DLG2: variants seen among roughly 807,000 people sequenced by gnomAD.
DLG2 encodes the protein discs large MAGUK scaffold protein 2.
In DLG2, 45 loss-of-function variants were observed where a neutral mutation model predicts 132.5. That is an observed-to-expected ratio of 0.34 (90% CI 0.27 to 0.44). The LOEUF is 0.44. DLG2 is among the 20% of genes least tolerant of loss of function. DLG2 has a pLI of 1.00. For synonymous variants in DLG2, 424 were observed against 419.6 expected, an observed-to-expected ratio of 1.01 and a Z score of -0.13; for missense variants, 1,045 against 1,196.9, an observed-to-expected ratio of 0.87 and a Z score of 1.87.
chr11:83,631,765 A>G (rs1707065777), intron 19 of DLG2: 1 of 152,192 alleles, frequency 6.6e-6, no homozygotes, highest in South Asian at 2.1e-4. Context: ...TATTATATAT[A>G]TAACCATTTC....
chr11:83,753,789 A>T (rs899343899), intron 18 of DLG2, among the ~76,000 whole-genome samples: 10 of 118,760 alleles, frequency 8.4e-5, no homozygotes, highest in Non-Finnish European at 1.4e-4. Flanking sequence ...TATATGTCAT[A>T]TATATGATAT....
At chr11:83,937,662 CAA>C (rs2081800056) in intron 14 of DLG2, among the ~76,000 whole-genome samples, 1 of 151,936 alleles carries the variant, frequency 6.6e-6, no homozygotes, top group Non-Finnish European at 1.5e-5. Context: ...TAGTAAAAAA[CAA>C]AGACAATTAG....
intron 6 of DLG2, among the ~76,000 whole-genome samples, chr11:84,732,112 T>A (rs76078920): frequency 0.015 from 2,347 of 152,204 alleles, 78 homozygotes; most frequent in African/African-American, 0.053. Flanking sequence ...CATGTGCCAA[T>A]AGTTTACTTC....
rs185435062 is a variant in DLG2 at position 85,567,280 on chromosome 11, T to C, written c.40+31377A>G. Among the ~76,000 whole-genome samples the C allele has an allele frequency of 5.3e-5, 8 of 152,314 alleles. No individual in the cohort carries two copies. In the East Asian group the frequency reaches 9.6e-4, roughly 18 times the overall value. On this transcript the variant is annotated intron_variant, in intron 3 of 27. Coordinates refer to ENST00000376104, the MANE Select transcript of DLG2 (RefSeq NM_001142699.3). The stretch of plus-strand genomic sequence containing the variant: ...ACAGGAAGTATTACCATCTTAACCA[T>C]ATTAAGTCTTCCAACCCATGAACAT...
At chr11:83,777,292 T>C (rs369848215) in intron 18 of DLG2, among the ~76,000 whole-genome samples, 1 of 152,218 alleles carries the variant, frequency 6.6e-6, no homozygotes, top group East Asian at 1.9e-4. Flanking sequence ...TTTGGAATTT[T>C]TGTCTTTTAA....
chr11:85,164,695 G>A (rs1310357999), intron 4 of DLG2, among the ~76,000 whole-genome samples: 1 of 152,102 alleles, frequency 6.6e-6, no homozygotes. Flanking sequence ...TTAATGAAAA[G>A]TTACAATAAG....
chr11:83,782,612 C>G (rs948666919), intron 18 of DLG2, among the ~76,000 whole-genome samples: 1 of 152,084 alleles, frequency 6.6e-6, no homozygotes, highest in Non-Finnish European at 1.5e-5. Flanking sequence ...GGGAGAAAGG[C>G]AATTCTGGGT....
chr11:84,773,318 A>T (rs1398340022), intron 6 of DLG2, among the ~76,000 whole-genome samples: 7 of 152,104 alleles, frequency 4.6e-5, no homozygotes, highest in African/African-American at 1.7e-4. Flanking sequence ...GCCCTGGAGA[A>T]GAATTCACAG....
chr11:83,731,134 T>G (rs951168516), intron 18 of DLG2, among the ~76,000 whole-genome samples: 11 of 152,224 alleles, frequency 7.2e-5, no homozygotes, highest in Non-Finnish European at 1.6e-4. Flanking sequence ...CTTTCTTTTT[T>G]TCTTTTGTAA....
At chr11:84,837,851 G>A (rs925074400) in intron 6 of DLG2, among the ~76,000 whole-genome samples, 9 of 151,868 alleles carry the variant, frequency 5.9e-5, no homozygotes, top group African/African-American at 2.2e-4. Flanking sequence ...GGTTCTCAAA[G>A]TGTGGTTTGC....
intron 3 of DLG2, among the ~76,000 whole-genome samples, chr11:85,395,337 C>G (rs564083779): frequency 9.9e-5 from 15 of 152,252 alleles, no homozygotes; most frequent in Admixed American, 5.9e-4. Flanking sequence ...CCAGCAATAT[C>G]GAGGCAGAAG....
At chr11:85,612,856 C>T (rs533904422) in intron 2 of DLG2, among the ~76,000 whole-genome samples, 96 of 152,234 alleles carry the variant, frequency 6.3e-4, no homozygotes, top group Non-Finnish European at 8.5e-4. Context: ...AATTCTCAGA[C>T]AGTTTGCAAG....
intron 3 of DLG2, among the ~76,000 whole-genome samples, chr11:85,460,588 T>G (rs974191665): frequency 6.6e-6 from 1 of 152,236 alleles, no homozygotes; most frequent in Non-Finnish European, 1.5e-5. Context: ...GATGTTCCAG[T>G]TGAAGATACA....
intron 14 of DLG2, among the ~76,000 whole-genome samples, chr11:83,944,780 G>T (rs905340581): frequency 5.9e-5 from 9 of 152,156 alleles, no homozygotes; most frequent in African/African-American, 2.2e-4. Flanking sequence ...AAAAGTAATG[G>T]TCAAAATATC....
chr11:85,009,712 C>T (rs2058990044), intron 6 of DLG2, among the ~76,000 whole-genome samples: 1 of 151,986 alleles, frequency 6.6e-6, no homozygotes, highest in Admixed American at 6.6e-5. Flanking sequence ...CGCCAAGAAG[C>T]TTATTTTAAA....
chr11:84,868,314 TAGTAAATA>T (rs1189891643), intron 6 of DLG2, among the ~76,000 whole-genome samples: 1 of 151,826 alleles, frequency 6.6e-6, no homozygotes, highest in Non-Finnish European at 1.5e-5. Flanking sequence ...AAATTTGCAG[TAGTAAATA>T]AGTAAATAAG....
intron 3 of DLG2, among the ~76,000 whole-genome samples, chr11:85,468,797 G>C (rs954987509): frequency 1.3e-5 from 2 of 152,146 alleles, no homozygotes; most frequent in Non-Finnish European, 2.9e-5. Flanking sequence ...TGTTGATTTG[G>C]GGTGCAGAGT....
At chr11:83,462,959 C>T (rs1266887506) in intron 26 of DLG2, among the ~76,000 whole-genome samples, 1 of 152,076 alleles carries the variant, frequency 6.6e-6, no homozygotes, top group Non-Finnish European at 1.5e-5. Flanking sequence ...AAAAAAATGT[C>T]CTGCCAAATG....
chr11:83,835,465 G>A (rs1418216715), intron 16 of DLG2, among the ~76,000 whole-genome samples: 11 of 152,174 alleles, frequency 7.2e-5, no homozygotes, highest in Admixed American at 5.2e-4. Context: ...TAGTCATGTC[G>A]CTATAAAAAG....
Sources: gnomAD v4.1 joint callset for allele counts (sites outside exome capture counted in the v4.1 genomes callset) on GRCh38, gnomAD v4.1.1 for gene constraint, MANE v1.5 for transcripts, NCBI Gene and HGNC (gene_info 2026-07-23, HGNC 2026-07-21) for gene names.